ADAMTS2: variants seen among roughly 807,000 people sequenced by gnomAD.
ADAMTS2 encodes the protein ADAM metallopeptidase with thrombospondin type 1 motif 2, also known as A disintegrin and metalloproteinase with thrombospondin motifs 2.
In ADAMTS2, 50 loss-of-function variants were observed where a neutral mutation model predicts 123.0. That is an observed-to-expected ratio of 0.41 (90% confidence interval 0.32 to 0.51). The LOEUF is 0.51. Ranked by LOEUF, ADAMTS2 falls within the 20% of genes least tolerant of loss-of-function variation. ADAMTS2 has a pLI of 0.35. For missense variants in ADAMTS2, 1,494 were observed against 1,705.2 expected (o/e 0.88, Z 2.18); for synonymous variants, 678 against 695.4 (o/e 0.98, Z 0.39).
rs888103158 is a variant in ADAMTS2 at position 179,158,961 on chromosome 5, C to T, written c.976-82G>A. On this transcript the variant is annotated intron_variant, in intron 5 of 21. Coordinates refer to ENST00000251582, the MANE Select transcript of ADAMTS2 (RefSeq NM_014244.5). This position sits in a 1 kb window ranked among gnomAD's most constrained non-coding sequence, Gnocchi z 5.0. ...GGGGCCGAGCAGGCTGTAGTGTTGA[C>T]AGACCCCATCCACTGGGAATCTGTT... The T allele has an allele frequency of 1.4e-5, 22 of 1,528,330 alleles. No individual in the cohort carries two copies. The highest frequency in any genetic ancestry group is 2.0e-5 in the Non-Finnish European group (22 of 1,126,246). 94.7% of individuals were successfully genotyped at this position (1,528,330 alleles called of 1,614,324 possible). A position where few individuals can be genotyped will look rare whatever the true frequency, so the allele number is the denominator to read the frequency against.
intron 2 of ADAMTS2, among the ~76,000 whole-genome samples, chr5:179,282,128 T>A (rs1766930570): frequency 6.6e-6 from 1 of 152,250 alleles, no homozygotes; most frequent in African/African-American, 2.4e-5. Context: ...TCCACTGAAG[T>A]CATGAAGGAC....
intron 2 of ADAMTS2, among the ~76,000 whole-genome samples, chr5:179,305,987 A>G (rs1756663068): frequency 6.6e-6 from 1 of 152,210 alleles, no homozygotes; most frequent in Non-Finnish European, 1.5e-5. Context: ...TCATAGTTTA[A>G]AATCCTGCAA....
Position 179,162,488 on chromosome 5 carries a change from C to T in ADAMTS2, c.976-3609G>A, listed in dbSNP as rs989891641. The stretch of plus-strand genomic sequence containing the variant: ...TCTCATCTGAAGGCTGTACCGGAGG[C>T]GGGTCAGCTCCCAGGCTCATTCAGG... On this transcript the variant is annotated intron_variant, in intron 5 of 21. Transcript: ENST00000251582. The surrounding 1 kb of genome is among the most constrained non-coding windows in gnomAD (Gnocchi z 5.1). Among the ~76,000 whole-genome samples, 10 of 152,142 alleles carry T rather than the reference C, an allele frequency of 6.6e-5. No homozygotes were observed. The highest frequency in any genetic ancestry group is 3.2e-3 in the Middle Eastern group (1 of 316).
intron 5 of ADAMTS2, among the ~76,000 whole-genome samples, chr5:179,173,534 C>T (rs985014598): frequency 1.3e-5 from 2 of 152,184 alleles, no homozygotes; most frequent in Non-Finnish European, 2.9e-5. Flanking sequence ...ATAGGTTTAT[C>T]ATTACTTAAC....
intron 10 of ADAMTS2, among the ~76,000 whole-genome samples, chr5:179,144,016 T>C (rs954548776): frequency 3.9e-5 from 6 of 152,168 alleles, no homozygotes; most frequent in Non-Finnish European, 8.8e-5. Flanking sequence ...GACAAAATGA[T>C]CTTCTGTATA....
intron 2 of ADAMTS2, among the ~76,000 whole-genome samples, chr5:179,293,140 C>T (rs1394463132): frequency 1.3e-5 from 2 of 152,204 alleles, no homozygotes; most frequent in Non-Finnish European, 2.9e-5. Context: ...TCCTTGTCCA[C>T]GGGGAAGACA....
rs539222050 is a variant in ADAMTS2, at chr5:179,311,055, G to A, written c.534+32712C>T. ...CCAGCCCCCCACCCCCCAACCCACC[G>A]AGTGCAGGGCCCGTTGACTCCTATC... is the stretch of plus-strand genomic sequence containing the variant. On this transcript the variant is annotated intron_variant, in intron 2 of 21. Transcript: ENST00000251582. Among the ~76,000 whole-genome samples, 63 of 40,804 alleles carry A rather than the reference G, an allele frequency of 1.5e-3. 1 individual carries two copies. In the East Asian group the frequency reaches 0.03, roughly 19 times the overall value. 26.8% of individuals were successfully genotyped at this position (40,804 alleles called of 152,430 possible). A position where few individuals can be genotyped will look rare whatever the true frequency, so the allele number is the denominator to read the frequency against.
chr5:179,154,234 G>A (rs548392513), intron 7 of ADAMTS2, 42 bp from the exon 8 acceptor site: 41 of 1,536,516 alleles, frequency 2.7e-5, no homozygotes, highest in South Asian at 3.6e-5. Context: ...ACTGGCACAC[G>A]GGTCTGCCAG....
chr5:179,121,721 A>G lies in ADAMTS2; in HGVS notation c.3118T>C (p.Tyr1040His). The change falls in exon 21 of 22, where the codon TAC (tyrosine) becomes CAC (histidine). Residue 1040 changes from tyrosine to histidine, a missense_variant. Physicochemically the swap from Tyr to His is moderately conservative, Grantham distance 83. This residue lies in a region of ADAMTS2 where 953 missense variants were observed against 1,124.7 expected (regional missense o/e 0.85). Coordinates refer to ENST00000251582, the MANE Select transcript of ADAMTS2 (RefSeq NM_014244.5). The part of the protein sequence containing the change: ...RNISDPSKKS[Y>H]VVQWLSRPDP... The stretch of plus-strand genomic sequence containing the variant: ...GGGCGGGACAGCCACTGAACTACGT[A>G]GCTCTTCTTGGAGGGATCTGAGATG... The G allele has an allele frequency of 6.3e-7, 1 of 1,591,054 alleles. No homozygotes were observed. Among genetic ancestry groups the G allele is most frequent in the Non-Finnish European group, 8.6e-7 (1 of 1,168,424 alleles).
chr5:179,258,257 ACCCCCCCAGACCGC>A (rs1473614694), intron 3 of ADAMTS2, among the ~76,000 whole-genome samples: 2 of 148,204 alleles, frequency 1.3e-5, no homozygotes, highest in Non-Finnish European at 3.0e-5. Context: ...TCCCAGCCTG[ACCCCCCCAGACCGC>A]CCCCCGCCAA....
rs1757175320 is a variant in ADAMTS2 at position 179,321,516 on chromosome 5, T to C, written c.534+22251A>G. On this transcript the variant is annotated intron_variant, in intron 2 of 21. Transcript: ENST00000251582. ...CCTCCTCTTGAACCTCTCTCATCCT[T>C]TAGCAGGTGGGCAGCCCCGCTCCTA... Among the ~76,000 whole-genome samples the C allele has an allele frequency of 2.0e-5, 3 of 152,122 alleles. No homozygotes were observed. The South Asian group carries it at 6.2e-4, about 32-fold the overall frequency.
At chr5:179,274,041 G>T (rs1766622262) in intron 2 of ADAMTS2, among the ~76,000 whole-genome samples, 1 of 135,406 alleles carries the variant, frequency 7.4e-6, no homozygotes, top group African/African-American at 2.8e-5. Context: ...TGGTAAACCT[G>T]TGTTCCCCCT....
intron 3 of ADAMTS2, among the ~76,000 whole-genome samples, chr5:179,263,783 GGAGA>G (rs1190468866): frequency 3.3e-5 from 5 of 152,244 alleles, no homozygotes; most frequent in Admixed American, 1.3e-4. Context: ...CCAGAGAGCA[GGAGA>G]GAGAGAAGAC....
rs1436992389 is a variant in ADAMTS2, at chr5:179,128,035, G to A, written c.2541C>T (p.Asn847=). The A allele has an allele frequency of 4.3e-6, 7 of 1,614,070 alleles. No homozygotes were observed. Among genetic ancestry groups the A allele is most frequent in the Admixed American group, 1.7e-5 (1 of 60,022 alleles). ...AGACCACAGAGTCCTCTTCCAGGAC[G>A]TTGTTGTCGTCGACATTCAGTGAGT... is the stretch of plus-strand genomic sequence containing the variant. ...HEDSLNVDDN[N]VLEEDSVVYE... The change falls in exon 17 of 22, where the codon AAC becomes AAT. Residue 847 remains asparagine, a synonymous_variant. Transcript: ENST00000251582. The surrounding 1 kb of genome is among the most constrained non-coding windows in gnomAD (Gnocchi z 4.9).
chr5:179,192,693 C>T (rs1480683470), intron 4 of ADAMTS2, among the ~76,000 whole-genome samples: 2 of 152,194 alleles, frequency 1.3e-5, no homozygotes, highest in Non-Finnish European at 2.9e-5. Context: ...GGTTTCCTTC[C>T]TCCTGTCTGG....
intron 2 of ADAMTS2, among the ~76,000 whole-genome samples, chr5:179,331,017 T>C (rs972842961): frequency 6.6e-6 from 1 of 151,954 alleles, no homozygotes; most frequent in African/African-American, 2.4e-5. Flanking sequence ...CCAGCTGCAG[T>C]GAAAGGAGCT....
chr5:179,329,135 G>A (rs973003910), intron 2 of ADAMTS2, among the ~76,000 whole-genome samples: 1 of 151,988 alleles, frequency 6.6e-6, no homozygotes, highest in Non-Finnish European at 1.5e-5. Flanking sequence ...AGACCATCCT[G>A]GCTAACACGG....
intron 19 of ADAMTS2, 106 bp from the exon 20 acceptor site, chr5:179,122,879 A>G: frequency 6.6e-7 from 1 of 1,512,030 alleles, no homozygotes; most frequent in Non-Finnish European, 8.9e-7. Context: ...TGCGCTCAGG[A>G]GGAGGTGTGG....
intron 10 of ADAMTS2, among the ~76,000 whole-genome samples, chr5:179,146,549 T>C (rs912195847): frequency 1.3e-5 from 2 of 152,238 alleles, no homozygotes; most frequent in African/African-American, 4.8e-5. Context: ...CAACATTTCA[T>C]GGCAAATCAG....
Sources: gnomAD v4.1 joint callset for allele counts (sites outside exome capture counted in the v4.1 genomes callset) on GRCh38, gnomAD v4.1.1 for gene constraint, gnomAD v4.1.1 regional missense constraint, Gnocchi (gnomAD v3.1) non-coding constraint, MANE v1.5 for transcripts, NCBI Gene and HGNC (gene_info 2026-07-23, HGNC 2026-07-21) for gene names.